The following ASMT variants were observed in gnomAD, a reference collection of about 807,000 sequenced individuals.
ASMT encodes acetylserotonin O-methyltransferase.
In ASMT, 53 loss-of-function variants were observed where a neutral mutation model predicts 41.3. That is an observed-to-expected ratio of 1.28 (90% CI 1.03 to 1.61). The LOEUF (loss-of-function observed/expected upper bound fraction) is 1.61. ASMT is among the 40% of genes most tolerant of loss of function. The pLI is 0.00. For missense variants in ASMT, 531 were observed against 441.3 expected, an observed-to-expected ratio of 1.20 and a Z score of -1.82; for synonymous variants, 231 against 184.8, an observed-to-expected ratio of 1.25 and a Z score of -2.03.
Position 1,633,245 on chromosome X carries a change from C to T in ASMT, c.742C>T (p.Gln248Ter), listed in dbSNP as rs776070014. The change falls in exon 7 of 9, where the codon CAG becomes TAG. Residue 248 changes from glutamine (Q) to a stop codon, truncating the protein, a stop_gained. Transcript: ENST00000381241. LOFTEE classifies it high-confidence loss of function. ...DIPEVVWTAK[Q>*]HFSFQEEEQI... ...CCCAGAAGTGGTGTGGACGGCAAAG[C>T]AGCACTTCTCATTCCAGGAGGAAGA... 6.2e-7 allele frequency: 1 copy of T among 1,613,896 alleles called. No individual in the cohort carries two copies. The highest frequency in any genetic ancestry group is 8.5e-7 in the Non-Finnish European group (1 of 1,179,852).
chrX:1,628,122 A>G, intron 4 of ASMT: 1 of 336,248 alleles, frequency 3.0e-6, no homozygotes, highest in Admixed American at 4.7e-5. Context: ...GGAGTTCGAG[A>G]CCAGCCTGGC....
In ASMT at chrX:1,629,887, C is replaced by G; in HGVS notation, c.510C>G (p.Ser170Arg). 1 of 1,613,978 alleles carries G rather than the reference C, an allele frequency of 6.2e-7. No individual in the cohort carries two copies. Among genetic ancestry groups the G allele is most frequent in the Non-Finnish European group, 8.5e-7 (1 of 1,179,874 alleles). The change falls in exon 5 of 9, where the codon AGC (serine) becomes AGG (arginine). Residue 170 changes from serine (S) to arginine (R), a missense_variant. Transcript: ENST00000381241. ...AGGTCTGGAGCGTCAACGGGAGAAG[C>G]GTGCTGACCGCCTTTGACCTGTCAG... ...LQEVWSVNGR[S>R]VLTAFDLSVF...
Position 1,624,309 on chromosome X carries a change from C to A in ASMT, c.285C>A (p.Thr95=). 4 of 1,613,982 alleles carry A rather than the reference C, an allele frequency of 2.5e-6. No homozygotes were observed. Among genetic ancestry groups the A allele is most frequent in the Non-Finnish European group, 3.4e-6 (4 of 1,179,860 alleles). ...RNTELSSDYL[T]TVSPTSQCSM... is the part of the protein sequence containing the mutation. ...CAGAGCTGTCCAGCGACTACCTGAC[C>A]ACGGTCAGCCCGACGTCACAATGCA... Residue 95 remains threonine (T), a synonymous_variant, in exon 3 of 9, where the codon ACC becomes ACA. Transcript: ENST00000381241.
intron 1 of ASMT, among the ~76,000 whole-genome samples, chrX:1,617,448 G>T (rs1934177005): frequency 6.6e-6 from 1 of 151,684 alleles, no homozygotes; most frequent in Non-Finnish European, 1.5e-5. Flanking sequence ...CTCCAGCCTG[G>T]GTGTCGCAGT....
intron 3 of ASMT, 34 bp from the exon 4 acceptor site, chrX:1,627,669 G>A: frequency 8.1e-7 from 1 of 1,233,446 alleles, no homozygotes; most frequent in Non-Finnish European, 1.1e-6. Context: ...GAAATGAAAT[G>A]AAATGAAAAT....
chrX:1,623,210 G>A lies in ASMT; in HGVS notation c.141G>A (p.Ala47=), dbSNP rs148227558. The change falls in exon 2 of 9, where the codon GCG becomes GCA. Residue 47 remains alanine (A), a synonymous_variant. Transcript: ENST00000381241. Reference sequence around the variant, plus strand: ...AGGCCCCAGGGCCCCTGGACGTGGCGGCAGTGGCTGCAGGTGTGAGGGCCA... The same window carrying A: ...AGGCCCCAGGGCCCCTGGACGTGGCAGCAGTGGCTGCAGGTGTGAGGGCCA... The part of the protein sequence containing the change: ...LAEAPGPLDV[A]AVAAGVRASA... The A allele has an allele frequency of 7.4e-5, 119 of 1,613,530 alleles. No homozygotes were observed. In the East Asian group the frequency reaches 2.0e-3, roughly 27 times the overall value.
In ASMT at chrX:1,632,518, G is replaced by A. The variant is rs28496121; in HGVS notation, c.563-186G>A. ...TACAATAAAAAAATTAGCTGGGCGT[G>A]GTGGCGGGCGCCTGTAGTCCCAGCT... is the stretch of plus-strand genomic sequence containing the variant. On this transcript the variant is annotated intron_variant, in intron 5 of 8. Coordinates refer to ENST00000381241, the MANE Select transcript of ASMT (RefSeq NM_001171038.2). Among the ~76,000 whole-genome samples, 36 of 151,862 alleles carry A rather than the reference G, an allele frequency of 2.4e-4. 1 individual carries two copies. Among genetic ancestry groups the A allele is most frequent in the South Asian group, 6.2e-4 (3 of 4,808 alleles).
intron 8 of ASMT, among the ~76,000 whole-genome samples, chrX:1,641,991 T>C (rs1284033185): frequency 1.4e-5 from 2 of 145,144 alleles, no homozygotes; most frequent in African/African-American, 5.1e-5. Flanking sequence ...CGATGGTTCA[T>C]GAGGACGTGG....
Position 1,636,515 on chromosome X carries a change from A to G in ASMT, c.865A>G (p.Lys289Glu). The G allele has an allele frequency of 3.1e-6, 5 of 1,613,938 alleles. No individual in the cohort carries two copies. Among genetic ancestry groups the G allele is most frequent in the Non-Finnish European group, 4.2e-6 (5 of 1,179,870 alleles). The change falls in exon 8 of 9, where the codon AAG becomes GAG. Residue 289 changes from lysine (K) to glutamate (E), a missense_variant. Transcript: ENST00000381241. Reference sequence around the variant, plus strand: ...GGTCCTCCATGACTGGGCAGACGGAAAGTGCTCACACCTGCTGGAGAGGAT... The same window carrying G: ...GGTCCTCCATGACTGGGCAGACGGAGAGTGCTCACACCTGCTGGAGAGGAT... Reference protein sequence around the residue: ...ARVLHDWADGKCSHLLERIYH... With the variant: ...ARVLHDWADGECSHLLERIYH...
intron 2 of ASMT, among the ~76,000 whole-genome samples, chrX:1,623,735 G>A (rs752125692): frequency 5.9e-5 from 9 of 151,408 alleles, no homozygotes; most frequent in Admixed American, 4.0e-4. Flanking sequence ...CCTGGGCCAC[G>A]TATTTTTAAT....
In ASMT at chrX:1,632,442, G is replaced by A. The variant is rs372858639; in HGVS notation, c.563-262G>A. On this transcript the variant is annotated intron_variant, in intron 5 of 8. Coordinates refer to ENST00000381241, the MANE Select transcript of ASMT (RefSeq NM_001171038.2). ...CGAGATGGGCGGATCACGAGGTCAG[G>A]AGATCGAGACCATCCTGGCTAACAC... 1.2e-4 allele frequency among the ~76,000 whole-genome samples: 18 copies of A among 152,264 alleles called. No homozygotes were observed. In the East Asian group the frequency reaches 2.5e-3, roughly 21 times the overall value.
rs28645863 is a variant in ASMT, at chrX:1,624,837, G to T, written c.374+439G>T. Reference sequence around the variant, plus strand: ...CACCCAGGCAGATGCTGGGAGGTGGGGGCTGCACCCAGGCAGATGCTGGGA... The same window carrying T: ...CACCCAGGCAGATGCTGGGAGGTGGTGGCTGCACCCAGGCAGATGCTGGGA... On this transcript the variant is annotated intron_variant, in intron 3 of 8. Coordinates refer to ENST00000381241, the MANE Select transcript of ASMT (RefSeq NM_001171038.2). Among the ~76,000 whole-genome samples, 14 of 59,912 alleles carry T rather than the reference G, an allele frequency of 2.3e-4. 1 individual carries two copies. The highest frequency in any genetic ancestry group is 2.0e-3 in the East Asian group (2 of 996). The allele number at this position is 59,912 out of a possible 152,430, so 39.3% of individuals were successfully genotyped here.
In ASMT at chrX:1,627,623, CGAAAT is replaced by C. The variant is rs1183321455; in HGVS notation, c.375-75_375-71del. 2.7e-6 allele frequency: 3 copies of C among 1,126,770 alleles called. No individual in the cohort carries two copies. In the African/African-American group the frequency reaches 5.7e-5, roughly 21 times the overall value. 69.8% of individuals were successfully genotyped at this position (1,126,770 alleles called of 1,614,324 possible). A position where few individuals can be genotyped will look rare whatever the true frequency, so the allele number is the denominator to read the frequency against. On this transcript the variant is annotated intron_variant, in intron 3 of 8. Transcript: ENST00000381241. ...GCTACAGAGCTGAAATGAAATGAAA[CGAAAT>C]GAAACGAAATGAAATGAAATGAAAT...
Position 1,615,177 on chromosome X carries a change from G to C in ASMT, c.-23G>C, listed in dbSNP as rs376891503. ...AGCAAGCGCTCCAGAGGCTCCGGAA[G>C]CCACGGCTGGATTGGAGACAAGATG... On this transcript the variant is annotated 5_prime_UTR_variant, in exon 1 of 9. Coordinates refer to ENST00000381241, the MANE Select transcript of ASMT (RefSeq NM_001171038.2). 5.1e-6 allele frequency: 8 copies of C among 1,579,000 alleles called. No individual in the cohort carries two copies. The Admixed American group carries it at 5.5e-5, about 11-fold the overall frequency.
In ASMT at chrX:1,623,282, G is replaced by C; in HGVS notation, c.213G>C (p.Lys71Asn). 1 of 1,613,970 alleles carries C rather than the reference G, an allele frequency of 6.2e-7. No homozygotes were observed. Among genetic ancestry groups the C allele is most frequent in the Non-Finnish European group, 8.5e-7 (1 of 1,179,882 alleles). ...ELLLDICVSL[K>N]LLKVETRGGK... ...TGCTGGACATCTGTGTGTCCCTGAA[G>C]CTGCTGAAAGTGGAGACGAGGGGAG... The change falls in exon 2 of 9, where the codon AAG becomes AAC. Residue 71 changes from lysine to asparagine, a missense_variant. By Grantham distance (94) the Lys-to-Asn change is moderately conservative. Coordinates refer to ENST00000381241, the MANE Select transcript of ASMT (RefSeq NM_001171038.2).
At chrX:1,631,497 C>G (rs780522676) in intron 5 of ASMT, among the ~76,000 whole-genome samples, 111 of 152,260 alleles carry the variant, frequency 7.3e-4, no homozygotes, top group African/African-American at 2.6e-3. Flanking sequence ...AGAACAGCTC[C>G]TGGCTGGTAG....
intron 8 of ASMT, among the ~76,000 whole-genome samples, chrX:1,640,651 G>A (rs1363670162): frequency 1.2e-3 from 1 of 804 alleles, no homozygotes; most frequent in African/African-American, 0.012. Context: ...CTCCTGTGAG[G>A]TCCATCCATC....
rs1188425208 is a variant in ASMT at position 1,616,407 on chromosome X, C to T, written c.69+1139C>T. On this transcript the variant is annotated intron_variant, in intron 1 of 8. Transcript: ENST00000381241. The stretch of plus-strand genomic sequence containing the variant: ...AAATGTGCAGAGCAGGCAAATCCTT[C>T]GAGGTGGAAAGTGGACTGGTGGTTT... Among the ~76,000 whole-genome samples, 12 of 151,316 alleles carry T rather than the reference C, an allele frequency of 7.9e-5. 1 individual carries two copies. Among genetic ancestry groups the T allele is most frequent in the Non-Finnish European group, 1.6e-4 (11 of 67,686 alleles).
chrX:1,624,199 C>A lies in ASMT; in HGVS notation c.245-70C>A, dbSNP rs1358035767. On this transcript the variant is annotated intron_variant, in intron 2 of 8. Transcript: ENST00000381241. ...ATGTTGAAATCACGATGTTGTCGAG[C>A]TGGGGAGCGTCCGCCGGCAGGAACT... The A allele has an allele frequency of 5.0e-6, 8 of 1,594,360 alleles. No individual in the cohort carries two copies. The Admixed American group carries it at 1.2e-4, about 23-fold the overall frequency.
Sources: gnomAD v4.1 joint callset for allele counts (sites outside exome capture counted in the v4.1 genomes callset) on GRCh38, gnomAD v4.1.1 for gene constraint, MANE v1.5 for transcripts, NCBI Gene and HGNC (gene_info 2026-07-23, HGNC 2026-07-21) for gene names.